Variants in ANKS6 observed in about 807,000 individuals in gnomAD.
The protein encoded by ANKS6 is ankyrin repeat and sterile alpha motif domain containing 6.
ANKS6 carries 47 observed loss-of-function variants against 77.9 expected under a neutral mutation model. That is an observed-to-expected ratio of 0.60 (90% CI 0.48 to 0.77). The LOEUF (loss-of-function observed/expected upper bound fraction) is 0.77. Ranked by LOEUF, ANKS6 falls within the 30% of genes least tolerant of loss-of-function variation. ANKS6 has a pLI of 0.00. For missense variants in ANKS6, 1,150 were observed against 1,159.1 expected, an observed-to-expected ratio of 0.99 and a Z score of 0.11; for synonymous variants, 488 against 501.7, an observed-to-expected ratio of 0.97 and a Z score of 0.37.
At chr9:98,784,281 CA>C in intron 3 of ANKS6, 124 bp from the exon 4 acceptor site, 1 of 865,146 alleles carries the variant, frequency 1.2e-6, no homozygotes. Context: ...TGCTGGGCAT[CA>C]TAGGGGATAC....
intron 10 of ANKS6, among the ~76,000 whole-genome samples, chr9:98,768,951 C>A (rs1833467784): frequency 6.6e-6 from 1 of 151,964 alleles, no homozygotes; most frequent in Admixed American, 6.6e-5. Context: ...CATGGTGAAA[C>A]CCTGTCTCTA....
Position 98,780,350 on chromosome 9 carries a change from A to G in ANKS6, c.1220-13T>C. ...ACAAGTTCCGTGTCTATGGACACAA[A>G]AGGCATCATTTTACCTGCAAATATG... On this transcript the variant is annotated splice_polypyrimidine_tract_variant and intron_variant, in intron 5 of 14. Transcript: ENST00000353234. 6.4e-7 allele frequency: 1 copy of G among 1,572,732 alleles called. No individual in the cohort carries two copies. The highest frequency in any genetic ancestry group is 8.6e-7 in the Non-Finnish European group (1 of 1,156,600).
intron 11 of ANKS6, among the ~76,000 whole-genome samples, chr9:98,761,770 C>A (rs1392894150): frequency 6.6e-6 from 1 of 152,084 alleles, no homozygotes; most frequent in Non-Finnish European, 1.5e-5. Context: ...CTCTTTTGTT[C>A]CACTGATCTA....
chr9:98,765,440 T>G (rs1442207315), intron 11 of ANKS6, among the ~76,000 whole-genome samples: 2 of 152,234 alleles, frequency 1.3e-5, no homozygotes, highest in African/African-American at 4.8e-5. Context: ...ACAACCTGAT[T>G]GGCTTTCAAC....
chr9:98,747,410 G>A (rs1225839683), intron 13 of ANKS6, among the ~76,000 whole-genome samples: 2 of 151,336 alleles, frequency 1.3e-5, no homozygotes, highest in African/African-American at 4.9e-5. Flanking sequence ...CTTCAGCCAG[G>A]TTTGAGTCAC....
chr9:98,789,987 G>A (rs1834801861), intron 2 of ANKS6, 117 bp downstream of exon 2: 1 of 1,395,398 alleles, frequency 7.2e-7, no homozygotes, highest in Non-Finnish European at 9.6e-7. Flanking sequence ...AGTCTCAGTG[G>A]TCTGCAGGGC....
intron 8 of ANKS6, among the ~76,000 whole-genome samples, chr9:98,775,640 C>T (rs1334994245): frequency 1.3e-5 from 2 of 152,100 alleles, no homozygotes; most frequent in East Asian, 1.9e-4. Context: ...TTATATACAA[C>T]ATCATATCAT....
chr9:98,747,683 ATT>A (rs1832210410), intron 13 of ANKS6, among the ~76,000 whole-genome samples: 1 of 152,054 alleles, frequency 6.6e-6, no homozygotes, highest in Non-Finnish European at 1.5e-5. Context: ...GTCCTCAGCG[ATT>A]CTGACATCCT....
intron 13 of ANKS6, 130 bp from the exon 14 acceptor site, chr9:98,745,805 A>G: frequency 1.4e-6 from 1 of 692,036 alleles, no homozygotes; most frequent in South Asian, 1.8e-5. Flanking sequence ...TACTACTTCT[A>G]AGTCCTGACT....
At chr9:98,771,259 C>T (rs1311223220) in intron 9 of ANKS6, among the ~76,000 whole-genome samples, 3 of 152,234 alleles carry the variant, frequency 2.0e-5, no homozygotes, top group Non-Finnish European at 4.4e-5. Flanking sequence ...TCAGTGAATC[C>T]ATGTCACATC....
At chr9:98,765,412 G>T (rs967488492) in intron 11 of ANKS6, among the ~76,000 whole-genome samples, 6 of 152,172 alleles carry the variant, frequency 3.9e-5, no homozygotes, top group Admixed American at 1.3e-4. Context: ...CCTGCCACAG[G>T]CATACTAACT....
At position 98,733,251 on chromosome 9, in the gene ANKS6, T is replaced by C. The variant is rs148832501; in HGVS notation, c.*3268A>G. On this transcript the variant is annotated 3_prime_UTR_variant, in exon 15 of 15. Transcript: ENST00000353234. ...TCCTCACAAAACCAGCTGGCCTCCA[T>C]GTAATTTTGTGGCGCTGAAGAAGAG... 6.2e-4 allele frequency: 614 copies of C among 985,516 alleles called. 3 individuals carry two copies. The highest frequency in any genetic ancestry group is 1.7e-3 in the Admixed American group (28 of 16,286). The allele number at this position is 985,516 out of a possible 1,614,324, so 61.0% of individuals were successfully genotyped here.
intron 9 of ANKS6, 72 bp from the exon 10 acceptor site, chr9:98,771,118 G>T: frequency 7.2e-7 from 1 of 1,396,244 alleles, no homozygotes; most frequent in South Asian, 1.8e-5. Context: ...TCACAGTGTG[G>T]GGGTTCCTGT....
In ANKS6 at chr9:98,756,595, C is replaced by G; in HGVS notation, c.2151G>C (p.Glu717Asp). 1.3e-6 allele frequency: 2 copies of G among 1,535,746 alleles called. No individual in the cohort carries two copies. Among genetic ancestry groups the G allele is most frequent in the Non-Finnish European group, 1.7e-6 (2 of 1,144,944 alleles). Residue 717 changes from glutamate (E) to aspartate (D), a missense_variant, in exon 12 of 15, where the codon GAG becomes GAC. Transcript: ENST00000353234. ...GGSAPVGKKLETSKRPPSGTS... is the reference protein window; with the variant it reads ...GGSAPVGKKLDTSKRPPSGTS... ...TTCCAGATGGAGGCCTTTTGCTGGT[C>G]TCCAATTTCTGCTGAACAGAGTAAG... is the stretch of plus-strand genomic sequence containing the variant.
chr9:98,732,313 C>T lies in ANKS6; in HGVS notation c.*4206G>A, dbSNP rs552620827. The T allele has an allele frequency of 4.1e-5, 28 of 687,960 alleles. No homozygotes were observed. The highest frequency in any genetic ancestry group is 1.1e-4 in the African/African-American group (6 of 55,498). The allele number at this position is 687,960 out of a possible 1,614,324, so 42.6% of individuals were successfully genotyped here. ...AGCTCTGAGGCAAGAATAAAAGGGA[C>T]GAGTTCCCTGCCCCCTTTTTACCCG... On this transcript the variant is annotated 3_prime_UTR_variant, in exon 15 of 15. Coordinates refer to ENST00000353234, the MANE Select transcript of ANKS6 (RefSeq NM_173551.5).
At chr9:98,770,834 T>C (rs1359838536) in intron 10 of ANKS6, 62 bp downstream of exon 10, 4 of 1,312,402 alleles carry the variant, frequency 3.0e-6, no homozygotes, top group African/African-American at 3.0e-5. Context: ...ATCCAGGCAG[T>C]GCACACCCTC....
rs1164473778 is a variant in ANKS6, at chr9:98,732,215, G to A, written c.*4304C>T. The A allele has an allele frequency of 5.1e-5, 24 of 469,406 alleles. No individual in the cohort carries two copies. Among genetic ancestry groups the A allele is most frequent in the Non-Finnish European group, 8.8e-5 (23 of 261,744 alleles). The allele number at this position is 469,406 out of a possible 1,614,324, so 29.1% of individuals were successfully genotyped here. A position where few individuals can be genotyped will look rare whatever the true frequency, so the allele number is the denominator to read the frequency against. ...AGGAAGGGTCCCGGGCTCTTCAGGA[G>A]GCATTTACTTGGAAGTACAGGTCAG... On this transcript the variant is annotated 3_prime_UTR_variant, in exon 15 of 15. Transcript: ENST00000353234.
intron 3 of ANKS6, 60 bp from the exon 4 acceptor site, chr9:98,784,217 C>T (rs965887433): frequency 1.4e-6 from 2 of 1,438,984 alleles, no homozygotes; most frequent in African/African-American, 2.9e-5. Context: ...GCTGATTTCT[C>T]CTGTGGTTCA....
chr9:98,738,790 G>C (rs1463838367), intron 14 of ANKS6, among the ~76,000 whole-genome samples: 1 of 152,220 alleles, frequency 6.6e-6, no homozygotes, highest in Non-Finnish European at 1.5e-5. Context: ...AAAGATACTT[G>C]CACACACATG....
Sources: allele counts gnomAD v4.1 joint callset (sites outside exome capture counted in the v4.1 genomes callset), GRCh38; gene constraint gnomAD v4.1.1; transcripts MANE v1.5; gene names NCBI Gene and HGNC (gene_info 2026-07-23, HGNC 2026-07-21).